CNTNAP2: variants seen among roughly 807,000 people sequenced by gnomAD.
CNTNAP2 encodes the protein contactin associated protein 2.
In CNTNAP2, 98 loss-of-function variants were observed where a neutral mutation model predicts 155.2. The observed-to-expected ratio is 0.63, with a 90% CI of 0.54 to 0.75. The LOEUF (loss-of-function observed/expected upper bound fraction) is 0.75. CNTNAP2 is among the 30% of genes least tolerant of loss of function. The probability of loss-of-function intolerance (pLI) is 0.00; values close to 1 mark genes in which losing one functional copy is unlikely to be tolerated. For missense variants in CNTNAP2, 1,727 were observed against 1,688.1 expected (o/e 1.02, Z -0.40); for synonymous variants, 651 against 631.2 (o/e 1.03, Z -0.47).
At chr7:148,363,927 C>T (rs949465676) in intron 21 of CNTNAP2, among the ~76,000 whole-genome samples, 26 of 152,084 alleles carry the variant, frequency 1.7e-4, no homozygotes, top group Non-Finnish European at 2.5e-4. Context: ...CTGCTGGCCC[C>T]GGGCAATGGG....
At chr7:147,587,209 T>G (rs892474902) in intron 12 of CNTNAP2, among the ~76,000 whole-genome samples, 1 of 152,216 alleles carries the variant, frequency 6.6e-6, no homozygotes, top group Admixed American at 6.6e-5. Context: ...TCAGCACTTG[T>G]GAATTAGCGT....
intron 1 of CNTNAP2, among the ~76,000 whole-genome samples, chr7:146,234,089 A>G (rs1327334404): frequency 6.9e-6 from 1 of 145,312 alleles, no homozygotes; most frequent in Non-Finnish European, 1.5e-5. Flanking sequence ...CCAACAGTGT[A>G]AAAGTGTTCC....
chr7:147,173,466 T>G (rs2116481579), intron 8 of CNTNAP2, among the ~76,000 whole-genome samples: 1 of 152,248 alleles, frequency 6.6e-6, no homozygotes, highest in African/African-American at 2.4e-5. Context: ...GGAGGGAATG[T>G]TATTACCTAT....
intron 4 of CNTNAP2, among the ~76,000 whole-genome samples, chr7:147,100,109 T>C (rs1175194886): frequency 6.6e-6 from 1 of 152,056 alleles, no homozygotes; most frequent in Non-Finnish European, 1.5e-5. Flanking sequence ...AGAATATAGG[T>C]GTGTGCATGT....
intron 4 of CNTNAP2, among the ~76,000 whole-genome samples, chr7:147,062,696 C>G (rs73467075): frequency 6.6e-6 from 1 of 151,992 alleles, no homozygotes; most frequent in East Asian, 1.9e-4. Flanking sequence ...CATATTAGCC[C>G]TTATTATTAT....
At chr7:146,941,364 G>A (rs915437399) in intron 3 of CNTNAP2, among the ~76,000 whole-genome samples, 1 of 152,070 alleles carries the variant, frequency 6.6e-6, no homozygotes, top group Non-Finnish European at 1.5e-5. Context: ...TCACAAAAAA[G>A]CAACTCTACA....
chr7:146,342,145 C>G (rs1794740314), intron 1 of CNTNAP2, among the ~76,000 whole-genome samples: 1 of 152,068 alleles, frequency 6.6e-6, no homozygotes, highest in African/African-American at 2.4e-5. Flanking sequence ...CCTCAAATAC[C>G]TCAGCCTTAA....
At chr7:146,733,250 A>G (rs1179742468) in intron 1 of CNTNAP2, among the ~76,000 whole-genome samples, 1 of 152,148 alleles carries the variant, frequency 6.6e-6, no homozygotes, top group East Asian at 1.9e-4. Flanking sequence ...TGAAACTGTG[A>G]CAGCTACAAA....
chr7:146,124,696 T>C (rs1225195223), intron 1 of CNTNAP2, among the ~76,000 whole-genome samples: 3 of 152,170 alleles, frequency 2.0e-5, no homozygotes, highest in Non-Finnish European at 2.9e-5. Flanking sequence ...GACTATCAGG[T>C]TTTCAGATTA....
chr7:146,560,526 C>T (rs1033382220), intron 1 of CNTNAP2, among the ~76,000 whole-genome samples: 5 of 151,848 alleles, frequency 3.3e-5, no homozygotes, highest in African/African-American at 1.2e-4. Context: ...TCATACATGG[C>T]TAATTATTTC....
chr7:148,165,673 C>T (rs1207718112), intron 17 of CNTNAP2, among the ~76,000 whole-genome samples: 1 of 152,166 alleles, frequency 6.6e-6, no homozygotes. Flanking sequence ...CTGGGAAGCT[C>T]ACATGCCATG....
chr7:146,404,124 C>CAAAAAAAAAAAA lies in CNTNAP2; in HGVS notation c.97+287158_97+287169dup, dbSNP rs1163559597. The stretch of plus-strand genomic sequence containing the variant: ...TGGGCGACAGAGCGAGACTCCGTCT[C>CAAAAAAAAAAAA]AAAAAAAAAAAAAAAAAACAAAGAA... On this transcript the variant is annotated intron_variant, in intron 1 of 23. Transcript: ENST00000361727. 3.5e-3 allele frequency among the ~76,000 whole-genome samples: 257 copies of CAAAAAAAAAAAA among 72,622 alleles called. 9 individuals carry two copies. The highest frequency in any genetic ancestry group is 0.013 in the African/African-American group (192 of 15,062). The allele number at this position is 72,622 out of a possible 152,430, so 47.6% of individuals were successfully genotyped here.
At chr7:147,035,659 C>A (rs1799140219) in intron 3 of CNTNAP2, among the ~76,000 whole-genome samples, 1 of 152,152 alleles carries the variant, frequency 6.6e-6, no homozygotes, top group Admixed American at 6.5e-5. Context: ...GATTTAGTTA[C>A]ACAATAGCTA....
At position 147,403,100 on chromosome 7, in the gene CNTNAP2, A is replaced by G. The variant is rs78533053; in HGVS notation, c.1670+7320A>G. On this transcript the variant is annotated intron_variant, in intron 10 of 23. Coordinates refer to ENST00000361727, the MANE Select transcript of CNTNAP2 (RefSeq NM_014141.6). ...CTGAAGACTGCTACCTGGAGGCTTC[A>G]TCTGGATGATCAAAGTTGGGTCCCC... Among the ~76,000 whole-genome samples, 24 of 152,348 alleles carry G rather than the reference A, an allele frequency of 1.6e-4. 1 individual carries two copies. In the East Asian group the frequency reaches 4.6e-3, roughly 29 times the overall value.
intron 14 of CNTNAP2, among the ~76,000 whole-genome samples, chr7:147,928,125 C>T (rs1052913388): frequency 3.3e-5 from 5 of 152,120 alleles, no homozygotes; most frequent in Non-Finnish European, 5.9e-5. Context: ...TCTTGCCTGC[C>T]ACCATGTAAG....
chr7:146,472,707 G>A (rs190241964), intron 1 of CNTNAP2, among the ~76,000 whole-genome samples: 3 of 151,770 alleles, frequency 2.0e-5, no homozygotes, highest in Non-Finnish European at 4.4e-5. Context: ...ATTAAAATAC[G>A]TTTTACACAA....
chr7:146,583,743 A>C (rs1438754595), intron 1 of CNTNAP2, among the ~76,000 whole-genome samples: 1 of 152,172 alleles, frequency 6.6e-6, no homozygotes, highest in Non-Finnish European at 1.5e-5. Flanking sequence ...CTTTAGCATT[A>C]CTTTTGCATG....
intron 16 of CNTNAP2, among the ~76,000 whole-genome samples, chr7:148,129,690 C>G (rs1804787742): frequency 6.6e-6 from 1 of 152,212 alleles, no homozygotes. Context: ...GACCAGAGAC[C>G]AGTCCTTGAA....
intron 11 of CNTNAP2, among the ~76,000 whole-genome samples, chr7:147,531,796 T>G (rs1370494713): frequency 6.8e-6 from 1 of 148,082 alleles, no homozygotes; most frequent in Non-Finnish European, 1.5e-5. Context: ...AGAAAATGGG[T>G]TTTTCTTTTC....
Sources: allele counts gnomAD v4.1 joint callset (sites outside exome capture counted in the v4.1 genomes callset), GRCh38; gene constraint gnomAD v4.1.1; transcripts MANE v1.5; gene names NCBI Gene and HGNC (gene_info 2026-07-23, HGNC 2026-07-21).